ZFPM2: variants seen among roughly 807,000 people sequenced by gnomAD.
The protein encoded by ZFPM2 is zinc finger protein, FOG family member 2.
Under a neutral mutation model 98.6 loss-of-function variants are expected in ZFPM2, and 20 were observed. The ratio of observed to expected loss-of-function variants is 0.20; its 90% confidence interval spans 0.14 to 0.29. The LOEUF (loss-of-function observed/expected upper bound fraction) is 0.29, where lower values mean the gene tolerates loss of function less well. Among genes scored for constraint, ZFPM2 ranks in the 10% least tolerant of loss-of-function variants. The pLI is 1.00. For synonymous variants in ZFPM2, 518 were observed against 502.7 expected, an observed-to-expected ratio of 1.03 and a Z score of -0.41; for missense variants, 1,310 against 1,388.6, an observed-to-expected ratio of 0.94 and a Z score of 0.90.
chr8:105,403,601 A>G (rs984218487), intron 1 of ZFPM2, among the ~76,000 whole-genome samples: 3 of 151,594 alleles, frequency 2.0e-5, no homozygotes, highest in Non-Finnish European at 4.4e-5. Context: ...AGTCATTAGC[A>G]TGTTGTTTGT....
intron 1 of ZFPM2, among the ~76,000 whole-genome samples, chr8:105,343,945 T>A (rs1291618356): frequency 6.6e-6 from 1 of 152,148 alleles, no homozygotes; most frequent in Non-Finnish European, 1.5e-5. Context: ...GGAGGTTTAA[T>A]GGACTCACAG....
intron 5 of ZFPM2, among the ~76,000 whole-genome samples, chr8:105,726,617 A>G (rs1811813296): frequency 6.6e-6 from 1 of 151,782 alleles, no homozygotes; most frequent in Non-Finnish European, 1.5e-5. Flanking sequence ...AGGATTAAGA[A>G]CACCGAAGAT....
At chr8:105,348,463 G>A (rs1353748199) in intron 1 of ZFPM2, among the ~76,000 whole-genome samples, 1 of 152,048 alleles carries the variant, frequency 6.6e-6, no homozygotes, top group Admixed American at 6.6e-5. Context: ...TTTCTCTATG[G>A]GTTTTGCTGT....
At chr8:105,464,530 CA>C (rs1812761267) in intron 3 of ZFPM2, among the ~76,000 whole-genome samples, 1 of 151,888 alleles carries the variant, frequency 6.6e-6, no homozygotes, top group South Asian at 2.1e-4. Flanking sequence ...AGAAAACCAT[CA>C]GTCAGGATGT....
intron 5 of ZFPM2, among the ~76,000 whole-genome samples, chr8:105,722,746 G>A (rs900298316): frequency 3.3e-5 from 5 of 151,780 alleles, no homozygotes; most frequent in Non-Finnish European, 7.4e-5. Context: ...CTGTCTCAGA[G>A]GTGGCAGAGG....
intron 1 of ZFPM2, among the ~76,000 whole-genome samples, chr8:105,345,342 A>G (rs1254580621): frequency 1.3e-5 from 2 of 150,384 alleles, no homozygotes; most frequent in Admixed American, 6.6e-5. Flanking sequence ...CCAAAGTTCA[A>G]TTTTGTTCTT....
rs1431964827 is a variant in ZFPM2 at position 105,722,276 on chromosome 8, A to C, written c.533-66442A>C. Among the ~76,000 whole-genome samples the C allele has an allele frequency of 2.0e-5, 3 of 151,798 alleles. No individual in the cohort carries two copies. The South Asian group carries it at 6.2e-4, about 31-fold the overall frequency. On this transcript the variant is annotated intron_variant, in intron 5 of 7. Transcript: ENST00000407775. Reference sequence around the variant, plus strand: ...TTCATACCAATATATTTTCTAGACTAGGTCAAGCTCCTTTGTTTGTTGGAC... The same window carrying C: ...TTCATACCAATATATTTTCTAGACTCGGTCAAGCTCCTTTGTTTGTTGGAC...
chr8:105,560,129 C>T (rs1176663810), intron 3 of ZFPM2, among the ~76,000 whole-genome samples: 5 of 143,042 alleles, frequency 3.5e-5, no homozygotes, highest in South Asian at 2.2e-4. Flanking sequence ...AACTCTTGAA[C>T]GCGAGAGGCA....
chr8:105,334,421 C>T (rs1006696225), intron 1 of ZFPM2, among the ~76,000 whole-genome samples: 7 of 151,574 alleles, frequency 4.6e-5, no homozygotes, highest in African/African-American at 1.7e-4. Flanking sequence ...CAAAAGTGAG[C>T]ACTCAAGTGA....
chr8:105,791,415 C>T (rs1439518133), intron 6 of ZFPM2, among the ~76,000 whole-genome samples: 4 of 152,130 alleles, frequency 2.6e-5, no homozygotes, highest in Non-Finnish European at 4.4e-5. Context: ...TATATTGAAC[C>T]AGCCTTGCAT....
intron 5 of ZFPM2, chr8:105,690,777 T>C (rs1810861350): frequency 6.6e-6 from 1 of 152,172 alleles, no homozygotes; most frequent in Non-Finnish European, 1.5e-5. Context: ...TATTGAATAA[T>C]GTGTTTATAC....
chr8:105,562,339 A>T, intron 4 of ZFPM2, among the ~76,000 whole-genome samples: 1 of 151,308 alleles, frequency 6.6e-6, no homozygotes, highest in East Asian at 1.9e-4. Flanking sequence ...TAAATAAATA[A>T]ATAAATAAAT....
intron 1 of ZFPM2, among the ~76,000 whole-genome samples, chr8:105,358,217 G>A (rs1451400830): frequency 6.6e-6 from 1 of 151,630 alleles, no homozygotes; most frequent in Admixed American, 6.6e-5. Flanking sequence ...TTATAGGGTT[G>A]GTTTCAGTAA....
At chr8:105,594,312 A>G (rs1252391610) in intron 4 of ZFPM2, among the ~76,000 whole-genome samples, 1 of 152,122 alleles carries the variant, frequency 6.6e-6, no homozygotes, top group Admixed American at 6.6e-5. Context: ...TCCTTATGCC[A>G]AGAGGGTCTG....
chr8:105,702,229 T>G (rs1386912758), intron 5 of ZFPM2, among the ~76,000 whole-genome samples: 1 of 152,206 alleles, frequency 6.6e-6, no homozygotes, highest in African/African-American at 2.4e-5. Flanking sequence ...ATCAGCATCC[T>G]CTATGCATTA....
chr8:105,570,162 G>A (rs763905571), intron 4 of ZFPM2, among the ~76,000 whole-genome samples: 8 of 152,142 alleles, frequency 5.3e-5, no homozygotes, highest in African/African-American at 2.4e-5. Context: ...TATCTGCTAT[G>A]TGGAGAATTA....
At chr8:105,631,596 C>G (rs1816756461) in intron 4 of ZFPM2, among the ~76,000 whole-genome samples, 1 of 152,128 alleles carries the variant, frequency 6.6e-6, no homozygotes, top group South Asian at 2.1e-4. Flanking sequence ...GAGTTTTTCT[C>G]TTTTCCTCAT....
chr8:105,778,489 C>CGTGTGT (rs10650495), intron 5 of ZFPM2, among the ~76,000 whole-genome samples: 24 of 148,120 alleles, frequency 1.6e-4, no homozygotes, highest in African/African-American at 4.2e-4. Flanking sequence ...TGAGTGCATG[C>CGTGTGT]GTGTGTGTGT....
chr8:105,487,892 G>GTCTGTCTA (rs1455288392), intron 3 of ZFPM2, among the ~76,000 whole-genome samples: 64 of 103,448 alleles, frequency 6.2e-4, no homozygotes, highest in Middle Eastern at 5.2e-3. Flanking sequence ...AAGTCTGTCT[G>GTCTGTCTA]TCTATCTATC....
Sources: allele counts gnomAD v4.1 joint callset (sites outside exome capture counted in the v4.1 genomes callset), GRCh38; gene constraint gnomAD v4.1.1; transcripts MANE v1.5; gene names NCBI Gene and HGNC (gene_info 2026-07-23, HGNC 2026-07-21).